The following CDH23 variants were observed in gnomAD, a reference collection of about 807,000 sequenced individuals.
The protein encoded by CDH23 is cadherin related 23, also known as cadherin-23.
CDH23 carries 189 observed loss-of-function variants against 317.1 expected under a neutral mutation model. That is an observed-to-expected ratio of 0.60 (90% CI 0.53 to 0.67). The LOEUF is 0.67. Among genes scored for constraint, CDH23 ranks in the 30% least tolerant of loss-of-function variants. The pLI, the probability that CDH23 is intolerant of heterozygous loss-of-function variation, is 0.00. For synonymous variants in CDH23, 1,839 were observed against 1,876.8 expected (o/e 0.98, Z 0.52); for missense variants, 4,401 against 4,592.4 (o/e 0.96, Z 1.20).
intron 6 of CDH23, among the ~76,000 whole-genome samples, chr10:71,545,458 G>A (rs912714040): frequency 1.3e-5 from 2 of 152,198 alleles, no homozygotes; most frequent in African/African-American, 4.8e-5. Context: ...ATTTCTGTTT[G>A]CTCCATAAGG....
intron 11 of CDH23, among the ~76,000 whole-genome samples, chr10:71,625,228 C>T (rs1400469420): frequency 6.6e-6 from 1 of 151,274 alleles, no homozygotes; most frequent in Non-Finnish European, 1.5e-5. Context: ...AAGGTTTGGT[C>T]CCACCGAGCG....
At chr10:71,540,778 C>T (rs1855943300) in intron 6 of CDH23, among the ~76,000 whole-genome samples, 1 of 152,080 alleles carries the variant, frequency 6.6e-6, no homozygotes, top group Non-Finnish European at 1.5e-5. Context: ...TCTTGTTGGA[C>T]TGGAGATGGC....
At chr10:71,463,303 G>A (rs1429492840) in intron 3 of CDH23, among the ~76,000 whole-genome samples, 2 of 152,184 alleles carry the variant, frequency 1.3e-5, no homozygotes, top group Non-Finnish European at 2.9e-5. Context: ...GATGGCACAT[G>A]ACATGTGACA....
At chr10:71,456,176 G>A (rs1850685346) in intron 3 of CDH23, among the ~76,000 whole-genome samples, 1 of 150,914 alleles carries the variant, frequency 6.6e-6, no homozygotes, top group African/African-American at 2.4e-5. Flanking sequence ...CTGTTGGCAA[G>A]TGGGCTGTGG....
chr10:71,469,564 GT>G (rs1209321400), intron 3 of CDH23, among the ~76,000 whole-genome samples: 1 of 151,142 alleles, frequency 6.6e-6, no homozygotes. Context: ...GTTATTTCCA[GT>G]TTTTGGCTAT....
chr10:71,558,156 C>A (rs1223298413), intron 6 of CDH23, among the ~76,000 whole-genome samples: 1 of 152,048 alleles, frequency 6.6e-6, no homozygotes. Context: ...CACTACCATG[C>A]CCAACTAATT....
intron 6 of CDH23, among the ~76,000 whole-genome samples, chr10:71,531,222 C>T (rs1248240284): frequency 2.6e-5 from 4 of 152,164 alleles, no homozygotes; most frequent in African/African-American, 4.8e-5. Context: ...ACTGGCTTAC[C>T]AGGGTTTATA....
intron 6 of CDH23, among the ~76,000 whole-genome samples, chr10:71,514,578 C>G (rs1003318100): frequency 6.6e-6 from 1 of 152,176 alleles, no homozygotes; most frequent in Admixed American, 6.5e-5. Flanking sequence ...GGTCCAGCCC[C>G]CAGCTCAGGA....
intron 3 of CDH23, among the ~76,000 whole-genome samples, chr10:71,505,631 C>T (rs769330795): frequency 6.6e-6 from 1 of 152,164 alleles, no homozygotes; most frequent in Non-Finnish European, 1.5e-5. Context: ...AATGTGTGTG[C>T]TGAGGGACAG....
intron 44 of CDH23, among the ~76,000 whole-genome samples, chr10:71,786,814 TG>T (rs1488633398): frequency 6.6e-6 from 1 of 152,102 alleles, no homozygotes; most frequent in Non-Finnish European, 1.5e-5. Context: ...CCCTCATTTT[TG>T]CCCCCACTTT....
At chr10:71,582,704 A>T (rs948444433) in intron 9 of CDH23, among the ~76,000 whole-genome samples, 2 of 152,182 alleles carry the variant, frequency 1.3e-5, no homozygotes, top group Admixed American at 1.3e-4. Flanking sequence ...AGAGCACCTG[A>T]TCTCGTAGCT....
At chr10:71,587,923 C>T (rs946921099) in intron 9 of CDH23, among the ~76,000 whole-genome samples, 9 of 152,210 alleles carry the variant, frequency 5.9e-5, no homozygotes, top group East Asian at 1.9e-4. Context: ...AAGCATAAGG[C>T]GCTGTCTTAG....
chr10:71,510,889 G>T, intron 4 of CDH23, 65 bp from the exon 5 acceptor site: 1 of 1,549,040 alleles, frequency 6.5e-7, no homozygotes, highest in Non-Finnish European at 8.9e-7. Context: ...GCCCCATTTA[G>T]GGCCCAGGAC....
At chr10:71,496,519 C>A (rs1408641850) in intron 3 of CDH23, among the ~76,000 whole-genome samples, 1 of 152,164 alleles carries the variant, frequency 6.6e-6, no homozygotes, top group Non-Finnish European at 1.5e-5. Context: ...CGATTTAGAA[C>A]TTTCCAAAGC....
chr10:71,582,015 G>T (rs79182555), intron 9 of CDH23, among the ~76,000 whole-genome samples: 2 of 152,194 alleles, frequency 1.3e-5, no homozygotes, highest in Non-Finnish European at 2.9e-5. Flanking sequence ...TGTGGTCCTC[G>T]CCCGTGGAAC....
rs1841776342 is a variant in CDH23, at chr10:71,807,712, G to A, written c.8505G>A (p.Val2835=). 6.2e-7 allele frequency: 1 copy of A among 1,611,830 alleles called. No individual in the cohort carries two copies. Among genetic ancestry groups the A allele is most frequent in the African/African-American group, 1.3e-5 (1 of 74,876 alleles). The change falls in exon 59 of 70, where the codon GTG becomes GTA. Residue 2835 remains valine, a synonymous_variant. Transcript: ENST00000224721. ...TCACACTGCAGGAGGTGCGCGTTGT[G>A]CTAGAGGACATCAACGACCAGCCAC... The part of the protein sequence containing the change: ...ADLTLQEVRV[V]LEDINDQPPR...
chr10:71,743,877 G>A (rs1261127600), intron 38 of CDH23, among the ~76,000 whole-genome samples: 1 of 152,238 alleles, frequency 6.6e-6, no homozygotes, highest in Non-Finnish European at 1.5e-5. Context: ...CAGAGCTCAT[G>A]TTTCTTGGCC....
intron 56 of CDH23, 31 bp downstream of exon 56, chr10:71,806,028 G>GGGT: frequency 8.7e-7 from 1 of 1,155,140 alleles, no homozygotes; most frequent in Non-Finnish European, 1.3e-6. Context: ...GAGGGGCGGG[G>GGGT]TCTGGGGCGG....
chr10:71,503,431 G>A (rs1853454230), intron 3 of CDH23, among the ~76,000 whole-genome samples: 1 of 152,202 alleles, frequency 6.6e-6, no homozygotes, highest in African/African-American at 2.4e-5. Context: ...TCTTCCCGTT[G>A]TGGCTCAGAG....
Sources: allele counts gnomAD v4.1 joint callset (sites outside exome capture counted in the v4.1 genomes callset), GRCh38; gene constraint gnomAD v4.1.1; transcripts MANE v1.5; gene names NCBI Gene and HGNC (gene_info 2026-07-23, HGNC 2026-07-21).